The following OR6C1 variants were observed in gnomAD, a reference collection of about 807,000 sequenced individuals.
The protein encoded by OR6C1 is olfactory receptor 6C1.
For synonymous variants in OR6C1, 157 were observed against 133.3 expected, an observed-to-expected ratio of 1.18 and a Z score of -1.22; for missense variants, 386 against 366.1, an observed-to-expected ratio of 1.05 and a Z score of -0.44.
intron 1 of OR6C1, among the ~76,000 whole-genome samples, chr12:55,315,267 C>A (rs943313265): frequency 6.6e-6 from 1 of 151,742 alleles, no homozygotes; most frequent in East Asian, 1.9e-4. Context: ...ATGTCTCATT[C>A]ATATCTCTCT....
chr12:55,321,476 C>T lies in OR6C1; in HGVS notation c.877C>T (p.Gln293Ter), dbSNP rs767091975. Residue 293 changes from glutamine to a stop codon, truncating the protein, a stop_gained, in exon 2 of 2, where the codon CAG becomes TAG. Transcript: ENST00000642104. LOFTEE classifies it low-confidence loss of function (END_TRUNC). Reference sequence around the variant, plus strand: ...CCCCTTTATTTACAGCCTAAGAAATCAGCAAGTCAAGCAAGCTTTCATTAA... The same window carrying T: ...CCCCTTTATTTACAGCCTAAGAAATTAGCAAGTCAAGCAAGCTTTCATTAA... ...MNPFIYSLRN[Q>*]QVKQAFINMA... The T allele has an allele frequency of 2.5e-6, 4 of 1,613,598 alleles. No homozygotes were observed. The East Asian group carries it at 8.9e-5, about 36-fold the overall frequency.
intron 1 of OR6C1, among the ~76,000 whole-genome samples, chr12:55,317,894 C>G (rs1428222942): frequency 6.8e-6 from 1 of 147,972 alleles, no homozygotes; most frequent in South Asian, 2.1e-4. Context: ...GTATTACCCA[C>G]AATGTATTAC....
At chr12:55,316,775 C>A (rs1264089267) in intron 1 of OR6C1, among the ~76,000 whole-genome samples, 1 of 151,904 alleles carries the variant, frequency 6.6e-6, no homozygotes, top group Non-Finnish European at 1.5e-5. Context: ...ATATACCACA[C>A]CCAGTTCTTG....
At chr12:55,319,535 A>G (rs773421999) in intron 1 of OR6C1, among the ~76,000 whole-genome samples, 17 of 152,358 alleles carry the variant, frequency 1.1e-4, no homozygotes, top group Non-Finnish European at 2.1e-4. Context: ...AAGTTCATTG[A>G]CACTGGAAAG....
chr12:55,322,224 T>C lies in OR6C1; in HGVS notation c.*686T>C, dbSNP rs1050478199. 6.6e-6 allele frequency: 1 copy of C among 152,020 alleles called. No individual in the cohort carries two copies. Among genetic ancestry groups the C allele is most frequent in the Non-Finnish European group, 1.5e-5 (1 of 67,928 alleles). The allele number at this position is 152,020 out of a possible 1,614,324, so 9.4% of individuals were successfully genotyped here. A position where few individuals can be genotyped will look rare whatever the true frequency, so the allele number is the denominator to read the frequency against. On this transcript the variant is annotated 3_prime_UTR_variant, in exon 2 of 2. Coordinates refer to ENST00000642104, the MANE Select transcript of OR6C1 (RefSeq NM_001005182.2). The stretch of plus-strand genomic sequence containing the variant: ...CATAAGTTTTGTCAAACATAGAGAA[T>C]ATATAGTATATTCCTAAGATATGTT...
rs187560273 is a variant in OR6C1 at position 55,314,961 on chromosome 12, G to C, written c.-34+362G>C. 2.6e-3 allele frequency among the ~76,000 whole-genome samples: 393 copies of C among 151,522 alleles called. 4 individuals are homozygous for C. The highest frequency in any genetic ancestry group is 3.9e-3 in the Non-Finnish European group (265 of 67,618). On this transcript the variant is annotated intron_variant, in intron 1 of 1. Coordinates refer to ENST00000642104, the MANE Select transcript of OR6C1 (RefSeq NM_001005182.2). ...TTTCAGAATAAGGATAAAATCTTCA[G>C]TTATGTTATAAAGTCTAAATGAGAT...
intron 1 of OR6C1, among the ~76,000 whole-genome samples, chr12:55,316,096 TACAC>T (rs35664107): frequency 0.026 from 3,614 of 140,926 alleles, 73 homozygotes; most frequent in East Asian, 0.063. Context: ...AAAAAGTACA[TACAC>T]ACACACACAC....
intron 1 of OR6C1, among the ~76,000 whole-genome samples, chr12:55,319,304 G>A (rs560356996): frequency 6.6e-6 from 1 of 152,126 alleles, no homozygotes; most frequent in Non-Finnish European, 1.5e-5. Flanking sequence ...AGTGGACGTA[G>A]GAGTTGGAAA....
intron 1 of OR6C1, among the ~76,000 whole-genome samples, chr12:55,316,174 C>T (rs1014005630): frequency 2.0e-5 from 3 of 150,870 alleles, no homozygotes; most frequent in African/African-American, 7.3e-5. Flanking sequence ...TCCCTTATCT[C>T]AGTCTCTTAA....
At chr12:55,314,671 C>T (rs909568533) in intron 1 of OR6C1, 72 bp downstream of exon 1, 3 of 151,530 alleles carry the variant, frequency 2.0e-5, no homozygotes, top group African/African-American at 7.3e-5. Context: ...AACAGCTCAA[C>T]TTTTAATCAA....
Position 55,320,573 on chromosome 12 carries a change from C to A in OR6C1, c.-27C>A. 1 of 1,329,618 alleles carries A rather than the reference C, an allele frequency of 7.5e-7. No individual in the cohort carries two copies. Among genetic ancestry groups the A allele is most frequent in the Non-Finnish European group, 1.1e-6 (1 of 945,268 alleles). 82.4% of individuals were successfully genotyped at this position (1,329,618 alleles called of 1,614,324 possible). On this transcript the variant is annotated 5_prime_UTR_variant, in exon 2 of 2. Coordinates refer to ENST00000642104, the MANE Select transcript of OR6C1 (RefSeq NM_001005182.2). ...TTTGTACTTTCTCTTGTAGGTCTGG[C>A]AGGGGAAAAAAGAAAGCAACTGAAG...
At chr12:55,315,284 A>G (rs1868390188) in intron 1 of OR6C1, among the ~76,000 whole-genome samples, 1 of 151,692 alleles carries the variant, frequency 6.6e-6, no homozygotes, top group Admixed American at 6.6e-5. Context: ...CTCTAACGTT[A>G]AAGCCTATAT....
At chr12:55,315,730 C>G (rs1238056753) in intron 1 of OR6C1, among the ~76,000 whole-genome samples, 1 of 151,584 alleles carries the variant, frequency 6.6e-6, no homozygotes, top group East Asian at 1.9e-4. Flanking sequence ...TTCATTCAGG[C>G]CTACAGAATT....
Position 55,321,276 on chromosome 12 carries a change from T to C in OR6C1, c.677T>C (p.Ile226Thr). 3.1e-6 allele frequency: 5 copies of C among 1,613,614 alleles called. No individual in the cohort carries two copies. Among genetic ancestry groups the C allele is most frequent in the Non-Finnish European group, 4.2e-6 (5 of 1,179,574 alleles). ...TACATTATCAGAACAATTTTGAGAA[T>C]TCCTTCTACTAGTCAGAGGACAAAG... ...YIYIIRTILR[I>T]PSTSQRTKAF... Residue 226 changes from isoleucine to threonine, a missense_variant, in exon 2 of 2, where the codon ATT becomes ACT. Coordinates refer to ENST00000642104, the MANE Select transcript of OR6C1 (RefSeq NM_001005182.2).
chr12:55,321,662 G>T lies in OR6C1; in HGVS notation c.*124G>T. On this transcript the variant is annotated 3_prime_UTR_variant, in exon 2 of 2. Transcript: ENST00000642104. ...TTTTCTTTTCCCTAAAAGTTTGCAAGCATATTTATTTAATATATTTCTCAT... is the reference window on the plus strand; with the variant it reads ...TTTTCTTTTCCCTAAAAGTTTGCAATCATATTTATTTAATATATTTCTCAT... 1.8e-6 allele frequency: 1 copy of T among 548,502 alleles called. No individual in the cohort carries two copies. The highest frequency in any genetic ancestry group is 4.2e-5 in the South Asian group (1 of 23,766). The allele number at this position is 548,502 out of a possible 1,614,324, so 34.0% of individuals were successfully genotyped here. A position where few individuals can be genotyped will look rare whatever the true frequency, so the allele number is the denominator to read the frequency against.
chr12:55,319,943 C>T (rs1045488912), intron 1 of OR6C1, among the ~76,000 whole-genome samples: 9 of 152,124 alleles, frequency 5.9e-5, no homozygotes, highest in African/African-American at 1.9e-4. Context: ...GAGTTCGAGA[C>T]CAGCCTGACC....
Position 55,321,275 on chromosome 12 carries a change from A to C in OR6C1, c.676A>C (p.Ile226Leu), listed in dbSNP as rs765286644. The part of the protein sequence containing the change: ...YIYIIRTILR[I>L]PSTSQRTKAF... ...ATACATTATCAGAACAATTTTGAGA[A>C]TTCCTTCTACTAGTCAGAGGACAAA... Residue 226 changes from isoleucine to leucine, a missense_variant, in exon 2 of 2, where the codon ATT (isoleucine) becomes CTT (leucine). By Grantham distance (5) the Ile-to-Leu change is conservative. Coordinates refer to ENST00000642104, the MANE Select transcript of OR6C1 (RefSeq NM_001005182.2). The C allele has an allele frequency of 6.2e-7, 1 of 1,613,518 alleles. No individual in the cohort carries two copies. The highest frequency in any genetic ancestry group is 1.1e-5 in the South Asian group (1 of 91,040).
chr12:55,318,223 T>A (rs1592261992), intron 1 of OR6C1, among the ~76,000 whole-genome samples: 3 of 58,348 alleles, frequency 5.1e-5, no homozygotes, highest in African/African-American at 1.1e-4. Flanking sequence ...ATAAGTGGAG[T>A]GTGTGTGTGT....
intron 1 of OR6C1, among the ~76,000 whole-genome samples, chr12:55,319,431 A>G (rs74449069): frequency 3.3e-5 from 5 of 152,230 alleles, no homozygotes; most frequent in Non-Finnish European, 7.3e-5. Flanking sequence ...CAAGGAATAC[A>G]CACAGACCAG....
Sources: gnomAD v4.1 joint callset for allele counts (sites outside exome capture counted in the v4.1 genomes callset) on GRCh38, gnomAD v4.1.1 for gene constraint, MANE v1.5 for transcripts, NCBI Gene and HGNC (gene_info 2026-07-23, HGNC 2026-07-21) for gene names.